SCAPER: variants seen among roughly 807,000 people sequenced by gnomAD.
The protein encoded by SCAPER is S phase cyclin A-associated protein in the endoplasmic reticulum.
A neutral mutation model predicts 182.2 loss-of-function variants in SCAPER; 98 were observed. That is an observed-to-expected ratio of 0.54 (90% CI 0.46 to 0.64). The LOEUF is 0.64. Among genes scored for constraint, SCAPER ranks in the 30% least tolerant of loss-of-function variants. The probability of loss-of-function intolerance (pLI) is 0.00; values close to 1 mark genes in which losing one functional copy is unlikely to be tolerated. For synonymous variants in SCAPER, 605 were observed against 564.6 expected (o/e 1.07, Z -1.01); for missense variants, 1,432 against 1,690.0 (o/e 0.85, Z 2.68).
At chr15:76,551,378 C>CA (rs113879935) in intron 23 of SCAPER, among the ~76,000 whole-genome samples, 15,458 of 152,024 alleles carry the variant, frequency 0.1, 1,010 homozygotes, top group African/African-American at 0.18. Context: ...TATTCAGCCA[C>CA]AAAAAAGAAT....
intron 5 of SCAPER, among the ~76,000 whole-genome samples, chr15:76,818,513 C>G (rs555015991): frequency 2.6e-5 from 4 of 152,264 alleles, no homozygotes; most frequent in African/African-American, 4.8e-5. Context: ...ATAAGACAAG[C>G]CACAGACAGG....
intron 27 of SCAPER, among the ~76,000 whole-genome samples, chr15:76,389,159 G>A (rs2043486336): frequency 6.6e-6 from 1 of 152,060 alleles, no homozygotes; most frequent in African/African-American, 2.4e-5. Flanking sequence ...AAGGTGGAAC[G>A]TATGTATGTG....
intron 1 of SCAPER, among the ~76,000 whole-genome samples, chr15:76,895,071 CTAG>C (rs2074360655): frequency 6.6e-6 from 1 of 152,074 alleles, no homozygotes; most frequent in East Asian, 1.9e-4. Flanking sequence ...GACATAAACA[CTAG>C]AAGAAAAGAA....
rs1013151060 is a variant in SCAPER at position 76,903,566 on chromosome 15, G to C, written c.-60+1733C>G. On this transcript the variant is annotated intron_variant, in intron 1 of 31. Transcript: ENST00000563290. Reference sequence around the variant, plus strand: ...GAGGGTGCCATCTATTAACCAGAAAGCAGGCTATCACCAAACACTGAATCA... The same window carrying C: ...GAGGGTGCCATCTATTAACCAGAAACCAGGCTATCACCAAACACTGAATCA... Among the ~76,000 whole-genome samples the C allele has an allele frequency of 2.7e-4, 41 of 152,152 alleles. 1 individual carries two copies. Among genetic ancestry groups the C allele is most frequent in the Non-Finnish European group, 1.5e-5 (1 of 68,024 alleles).
intron 15 of SCAPER, chr15:76,737,124 T>TTCTTAATGCCATCTAAAAATG (rs2061315514): frequency 1.3e-5 from 2 of 152,540 alleles, no homozygotes; most frequent in Admixed American, 1.3e-4. Context: ...TCTAAAATGG[T>TTCTTAATGCCATCTAAAAATG]GAGTCCTTTC....
intron 25 of SCAPER, among the ~76,000 whole-genome samples, chr15:76,444,231 A>C (rs2047831099): frequency 6.6e-6 from 1 of 152,158 alleles, no homozygotes; most frequent in African/African-American, 2.4e-5. Context: ...TCCTAATCTT[A>C]AAAAATCTGT....
chr15:76,589,353 G>C (rs898356332), intron 22 of SCAPER, among the ~76,000 whole-genome samples: 1 of 152,082 alleles, frequency 6.6e-6, no homozygotes, highest in African/African-American at 2.4e-5. Flanking sequence ...GCAGGGTTAG[G>C]CATGTCTAAG....
intron 26 of SCAPER, among the ~76,000 whole-genome samples, chr15:76,426,280 C>T (rs570415246): frequency 2.0e-5 from 3 of 152,252 alleles, no homozygotes; most frequent in East Asian, 3.9e-4. Flanking sequence ...GCTTCCTGGC[C>T]GCTTTACCTA....
At chr15:76,375,933 C>T (rs1431152653) in intron 29 of SCAPER, among the ~76,000 whole-genome samples, 2 of 152,062 alleles carry the variant, frequency 1.3e-5, no homozygotes, top group East Asian at 1.9e-4. Flanking sequence ...TGCAGTGAGC[C>T]GAGATTGCAC....
At chr15:76,585,883 CAG>C (rs1226257637) in intron 22 of SCAPER, among the ~76,000 whole-genome samples, 1 of 152,124 alleles carries the variant, frequency 6.6e-6, no homozygotes, top group Non-Finnish European at 1.5e-5. Context: ...AGTGCAAAAA[CAG>C]GAGCTGCTTA....
intron 23 of SCAPER, among the ~76,000 whole-genome samples, chr15:76,539,898 C>G (rs947272052): frequency 1.3e-5 from 2 of 151,988 alleles, no homozygotes; most frequent in Non-Finnish European, 1.5e-5. Flanking sequence ...AAAATAAGTC[C>G]AAGTCCATAA....
At chr15:76,495,840 C>T (rs2040447789) in intron 24 of SCAPER, among the ~76,000 whole-genome samples, 1 of 152,120 alleles carries the variant, frequency 6.6e-6, no homozygotes, top group African/African-American at 2.4e-5. Context: ...AATGCTGTTT[C>T]TTCCTCTTAG....
At position 76,348,736 on chromosome 15, in the gene SCAPER, C is replaced by T; in HGVS notation, c.4100G>A (p.Gly1367Glu). 1 of 1,502,690 alleles carries T rather than the reference C, an allele frequency of 6.7e-7. No individual in the cohort carries two copies. The highest frequency in any genetic ancestry group is 8.9e-7 in the Non-Finnish European group (1 of 1,118,654). The allele number at this position is 1,502,690 out of a possible 1,614,324, so 93.1% of individuals were successfully genotyped here. Reference protein sequence around the residue: ...QAENQPYQPKGKCLGSQDYLE... With the variant: ...QAENQPYQPKEKCLGSQDYLE... The stretch of plus-strand genomic sequence containing the variant: ...ATAGTCTTGGGAACCAAGGCATTTC[C>T]CTGAGAGGGGGATAAAAGAGAAAAA... Residue 1367 changes from glycine (G) to glutamate (E), a missense_variant and splice_region_variant, in exon 32 of 32, where the codon GGG (glycine) becomes GAG (glutamate). Around this residue, in one of 5 missense-constraint regions of SCAPER, gnomAD observed 718 missense variants for 799.7 expected, o/e 0.90. Transcript: ENST00000563290.
At chr15:76,783,497 A>G (rs985310792) in intron 8 of SCAPER, among the ~76,000 whole-genome samples, 1 of 152,208 alleles carries the variant, frequency 6.6e-6, no homozygotes, top group African/African-American at 2.4e-5. Context: ...TATTCCAATC[A>G]ATAGAAAAAA....
At chr15:76,751,541 T>C (rs1310036433) in intron 15 of SCAPER, among the ~76,000 whole-genome samples, 2 of 151,748 alleles carry the variant, frequency 1.3e-5, no homozygotes, top group South Asian at 2.1e-4. Context: ...TATAGACCTA[T>C]GGAATAGAAC....
At chr15:76,786,966 T>A (rs774906248) in intron 8 of SCAPER, among the ~76,000 whole-genome samples, 3 of 152,094 alleles carry the variant, frequency 2.0e-5, no homozygotes, top group Non-Finnish European at 4.4e-5. Flanking sequence ...AAAATGCTGA[T>A]GAAAGAAACA....
chr15:76,534,714 A>G (rs952870673), intron 23 of SCAPER, among the ~76,000 whole-genome samples: 3 of 152,290 alleles, frequency 2.0e-5, no homozygotes, highest in Non-Finnish European at 4.4e-5. Context: ...TAAAAGTCCG[A>G]TAGGATGAAT....
Position 76,795,359 on chromosome 15 carries a change from T to C in SCAPER, c.693A>G (p.Thr231=), listed in dbSNP as rs1568162047. The stretch of plus-strand genomic sequence containing the variant: ...TTATTTCTGAAGAAGCAGTAGAGCC[T>C]GTATGATGAGCCTTTACCTTGTCAG... ...SWADKVKAHH[T]GSTASSEITP... The change falls in exon 8 of 32, where the codon ACA becomes ACG. Residue 231 remains threonine (T), a synonymous_variant. Coordinates refer to ENST00000563290, the MANE Select transcript of SCAPER (RefSeq NM_020843.4). The C allele has an allele frequency of 6.2e-7, 1 of 1,613,380 alleles. No homozygotes were observed. Among genetic ancestry groups the C allele is most frequent in the South Asian group, 1.1e-5 (1 of 91,016 alleles).
chr15:76,711,118 CTT>C (rs1290712567), intron 17 of SCAPER, among the ~76,000 whole-genome samples: 7 of 152,050 alleles, frequency 4.6e-5, no homozygotes, highest in East Asian at 1.9e-4. Context: ...ACAGAAGAAA[CTT>C]TTTGTGGTTT....
Sources: gnomAD v4.1 joint callset for allele counts (sites outside exome capture counted in the v4.1 genomes callset) on GRCh38, gnomAD v4.1.1 for gene constraint, gnomAD v4.1.1 regional missense constraint, MANE v1.5 for transcripts, NCBI Gene and HGNC (gene_info 2026-07-23, HGNC 2026-07-21) for gene names.